Variants in TMEM132D observed in about 807,000 individuals in gnomAD.
TMEM132D encodes the protein transmembrane protein 132D.
TMEM132D carries 21 observed loss-of-function variants against 62.3 expected under a neutral mutation model. The observed-to-expected ratio is 0.34, with a 90% CI of 0.24 to 0.49. The LOEUF (loss-of-function observed/expected upper bound fraction) is 0.49. Among genes scored for constraint, TMEM132D ranks in the 20% least tolerant of loss-of-function variants. The pLI, the probability that TMEM132D is intolerant of heterozygous loss-of-function variation, is 0.99. For synonymous variants in TMEM132D, 621 were observed against 575.6 expected, an observed-to-expected ratio of 1.08 and a Z score of -1.13; for missense variants, 1,346 against 1,402.8, an observed-to-expected ratio of 0.96 and a Z score of 0.65.
chr12:129,410,987 T>C (rs1871952831), intron 3 of TMEM132D, among the ~76,000 whole-genome samples: 2 of 79,292 alleles, frequency 2.5e-5, no homozygotes, highest in African/African-American at 3.5e-5. Flanking sequence ...GATGAAGAAC[T>C]TCATTTTAAA....
chr12:129,198,966 A>T (rs1227135701), intron 5 of TMEM132D, among the ~76,000 whole-genome samples: 1 of 152,142 alleles, frequency 6.6e-6, no homozygotes, highest in African/African-American at 2.4e-5. Context: ...GTTAAACTAT[A>T]ACTGATAAAA....
chr12:129,845,869 G>A (rs1194583646), intron 1 of TMEM132D, among the ~76,000 whole-genome samples: 1 of 152,214 alleles, frequency 6.6e-6, no homozygotes, highest in Admixed American at 6.5e-5. Flanking sequence ...CGTGCTCCCA[G>A]AGCAGCAACT....
At chr12:129,088,622 C>T (rs1326707770) in intron 5 of TMEM132D, among the ~76,000 whole-genome samples, 1 of 56,134 alleles carries the variant, frequency 1.8e-5, no homozygotes, top group Non-Finnish European at 3.0e-5. Flanking sequence ...CCTCCATGAC[C>T]GGGGTGTCCT....
At chr12:129,492,918 C>G (rs1874843199) in intron 3 of TMEM132D, among the ~76,000 whole-genome samples, 1 of 152,144 alleles carries the variant, frequency 6.6e-6, no homozygotes, top group Non-Finnish European at 1.5e-5. Flanking sequence ...GGGATGGCTG[C>G]TAAACAGCTA....
intron 4 of TMEM132D, among the ~76,000 whole-genome samples, chr12:129,274,078 A>G (rs1296739331): frequency 1.3e-5 from 2 of 150,816 alleles, no homozygotes; most frequent in East Asian, 1.9e-4. Context: ...CTAGTTGTAG[A>G]AAAAAAAGAT....
At chr12:129,897,570 A>G (rs1875185725) in intron 1 of TMEM132D, among the ~76,000 whole-genome samples, 1 of 152,178 alleles carries the variant, frequency 6.6e-6, no homozygotes, top group African/African-American at 2.4e-5. Flanking sequence ...GAAAATAAAA[A>G]TAAAAAAAAC....
At chr12:129,465,743 A>C (rs10744418) in intron 3 of TMEM132D, among the ~76,000 whole-genome samples, 113,289 of 152,122 alleles carry the variant, frequency 0.74, 42,231 homozygotes, top group Middle Eastern at 0.79. Flanking sequence ...AGTGCAGTGG[A>C]GCTATCTCAG....
intron 4 of TMEM132D, among the ~76,000 whole-genome samples, chr12:129,265,751 T>G (rs35320166): frequency 0.24 from 36,967 of 151,876 alleles, 4,674 homozygotes; most frequent in South Asian, 0.3. Flanking sequence ...GAAATCCACA[T>G]GCTCAGTCCC....
chr12:129,709,687 T>C (rs1013747010), intron 1 of TMEM132D, among the ~76,000 whole-genome samples: 2 of 152,244 alleles, frequency 1.3e-5, no homozygotes, highest in South Asian at 2.1e-4. Context: ...TTTGTTGTCG[T>C]ATTCTTCAGC....
intron 3 of TMEM132D, among the ~76,000 whole-genome samples, chr12:129,357,269 G>C (rs553481089): frequency 1.3e-5 from 2 of 148,378 alleles, no homozygotes; most frequent in East Asian, 4.0e-4. Context: ...AGAAAAGAAA[G>C]AAGGGAGGGA....
chr12:129,701,303 C>T (rs1881380109), intron 1 of TMEM132D, among the ~76,000 whole-genome samples: 1 of 152,190 alleles, frequency 6.6e-6, no homozygotes, highest in African/African-American at 2.4e-5. Flanking sequence ...ATCACATGGA[C>T]AGTGGACACC....
At chr12:129,543,226 GAT>G (rs1876633608) in intron 2 of TMEM132D, among the ~76,000 whole-genome samples, 1 of 121,246 alleles carries the variant, frequency 8.2e-6, no homozygotes, top group Non-Finnish European at 1.7e-5. Context: ...TGGGTGGGTG[GAT>G]GGATGGATGG....
intron 5 of TMEM132D, among the ~76,000 whole-genome samples, chr12:129,183,378 G>A (rs1404693332): frequency 6.6e-6 from 1 of 152,172 alleles, no homozygotes; most frequent in Non-Finnish European, 1.5e-5. Context: ...TCTGCCTATG[G>A]TCAAAGCTCT....
chr12:129,683,687 T>C (rs1593118839), intron 2 of TMEM132D, among the ~76,000 whole-genome samples: 1 of 152,100 alleles, frequency 6.6e-6, no homozygotes, highest in African/African-American at 2.4e-5. Flanking sequence ...TGCCACTATA[T>C]AGTCTTCCAC....
intron 3 of TMEM132D, among the ~76,000 whole-genome samples, chr12:129,408,112 C>T (rs1293754425): frequency 1.3e-5 from 2 of 152,080 alleles, no homozygotes; most frequent in African/African-American, 4.8e-5. Flanking sequence ...AATATTAGGA[C>T]CCAGGATAGC....
intron 1 of TMEM132D, among the ~76,000 whole-genome samples, chr12:129,844,577 T>C (rs1450620838): frequency 1.3e-5 from 2 of 152,240 alleles, no homozygotes; most frequent in African/African-American, 4.8e-5. Flanking sequence ...CTTGCAGTGC[T>C]GGACTTTCTA....
intron 2 of TMEM132D, among the ~76,000 whole-genome samples, chr12:129,603,102 G>A (rs749248842): frequency 2.4e-4 from 36 of 152,222 alleles, no homozygotes; most frequent in Middle Eastern, 6.8e-3. Context: ...GGGACACAGA[G>A]CCAAACTATA....
chr12:129,147,780 C>T (rs10847783), intron 5 of TMEM132D, among the ~76,000 whole-genome samples: 26,960 of 152,158 alleles, frequency 0.18, 2,516 homozygotes, highest in East Asian at 0.25. Flanking sequence ...TCTGTAGTTG[C>T]TATTTATTTT....
At chr12:129,610,357 A>G (rs761077300) in intron 2 of TMEM132D, among the ~76,000 whole-genome samples, 1 of 152,110 alleles carries the variant, frequency 6.6e-6, no homozygotes, top group Non-Finnish European at 1.5e-5. Context: ...CACGTGCATT[A>G]TACATTCTTC....
Sources: allele counts gnomAD v4.1 joint callset (sites outside exome capture counted in the v4.1 genomes callset), GRCh38; gene constraint gnomAD v4.1.1; transcripts MANE v1.5; gene names NCBI Gene and HGNC (gene_info 2026-07-23, HGNC 2026-07-21).